Variants in TMEM276 observed in about 807,000 individuals in gnomAD.
TMEM276 encodes transmembrane protein 276.
chr8:144,466,543 C>G, the TMEM276 span: 2 of 1,140,474 alleles, frequency 1.8e-6, no homozygotes, highest in East Asian at 3.5e-5. Context: ...CCGTGCAGCC[C>G]GTCGTCTCCC....
At chr8:144,465,309 G>A in the TMEM276 span, 1 of 1,111,988 alleles carries the variant, frequency 9.0e-7, no homozygotes, top group Non-Finnish European at 1.1e-6. Context: ...GGTCCAGGAG[G>A]AGCGACGGCG....
At chr8:144,464,214 C>G in the TMEM276 span, 6,951 of 1,613,098 alleles carry the variant, frequency 4.3e-3, 175 homozygotes, top group African/African-American at 0.062. Flanking sequence ...CATCCTCCTT[C>G]GGTAGCAGCA....
the TMEM276 span, chr8:144,463,913 G>C: frequency 7.1e-7 from 1 of 1,407,734 alleles, no homozygotes; most frequent in Non-Finnish European, 9.2e-7. Context: ...ACCCCCAAAC[G>C]TGTCTGGGAC....
At chr8:144,464,142 G>A in the TMEM276 span, 1 of 1,610,280 alleles carries the variant, frequency 6.2e-7, no homozygotes, top group South Asian at 1.1e-5. Context: ...CCCACTGGAG[G>A]CGCTGTGTAT....
At chr8:144,466,433 A>T in the TMEM276 span, 1 of 1,348,036 alleles carries the variant, frequency 7.4e-7, no homozygotes, top group South Asian at 1.6e-5. Flanking sequence ...TACGCCTTTT[A>T]CTCGTTGCTC....
the TMEM276 span, chr8:144,465,248 G>A: frequency 8.8e-7 from 1 of 1,140,630 alleles, no homozygotes. Context: ...GGCCCACGCG[G>A]CGGCCTCGGC....
the TMEM276 span, among the ~76,000 whole-genome samples, chr8:144,465,860 G>A: frequency 8.4e-6 from 1 of 118,780 alleles, no homozygotes; most frequent in Non-Finnish European, 1.8e-5. Context: ...GATGCGATGG[G>A]GGGGTCTGGG....
At chr8:144,464,776 G>A in the TMEM276 span, 1 of 1,610,448 alleles carries the variant, frequency 6.2e-7, no homozygotes, top group South Asian at 1.1e-5. Flanking sequence ...GGAGGTATGG[G>A]GATGCGCCCC....
chr8:144,464,574 G>A, the TMEM276 span: 5 of 1,610,730 alleles, frequency 3.1e-6, no homozygotes, highest in South Asian at 5.5e-5. Context: ...TGGCAGCCAA[G>A]ACCTGGAGCA....
chr8:144,466,542 C>T, the TMEM276 span: 1 of 1,141,294 alleles, frequency 8.8e-7, no homozygotes, highest in East Asian at 3.5e-5. Flanking sequence ...GCCGTGCAGC[C>T]CGTCGTCTCC....
At chr8:144,463,921 G>C in the TMEM276 span, 1 of 1,431,286 alleles carries the variant, frequency 7.0e-7, no homozygotes, top group African/African-American at 1.4e-5. Flanking sequence ...ACGTGTCTGG[G>C]ACCCTGTCCC....
chr8:144,465,878 G>T, the TMEM276 span, among the ~76,000 whole-genome samples: 4 of 125,440 alleles, frequency 3.2e-5, no homozygotes, highest in African/African-American at 9.3e-5. Context: ...GGGCGTGGCT[G>T]CGAGGGGCGG....
the TMEM276 span, chr8:144,464,037 G>A: frequency 6.5e-7 from 1 of 1,538,866 alleles, no homozygotes; most frequent in Non-Finnish European, 8.7e-7. Flanking sequence ...AGGCAGAAGA[G>A]TCTACCCCTA....
At chr8:144,465,047 G>C in the TMEM276 span, 7 of 1,534,520 alleles carry the variant, frequency 4.6e-6, no homozygotes, top group African/African-American at 5.5e-5. Flanking sequence ...CTGGATGTTA[G>C]GAGAAGTTCA....
the TMEM276 span, chr8:144,463,902 G>A: frequency 7.1e-7 from 1 of 1,401,920 alleles, no homozygotes; most frequent in East Asian, 2.6e-5. Context: ...CCAGAATCAG[G>A]ACCCCCAAAC....
the TMEM276 span, chr8:144,466,993 A>C: frequency 1.3e-6 from 2 of 1,596,816 alleles, no homozygotes; most frequent in East Asian, 2.2e-5. Context: ...CGGAAGGCGC[A>C]GCCGAGGGCC....
At chr8:144,464,860 G>A in the TMEM276 span, 2 of 1,612,726 alleles carry the variant, frequency 1.2e-6, no homozygotes, top group African/African-American at 2.7e-5. Flanking sequence ...GCACCAGATG[G>A]GACAGGGCTG....
chr8:144,464,796 C>T, the TMEM276 span: 2 of 1,612,182 alleles, frequency 1.2e-6, no homozygotes, highest in South Asian at 1.1e-5. Context: ...CTGCTCAGCC[C>T]CAGTGTACTC....
the TMEM276 span, chr8:144,466,920 T>A: frequency 3.2e-6 from 5 of 1,573,262 alleles, no homozygotes; most frequent in Non-Finnish European, 4.3e-6. Context: ...CTCAAGCACG[T>A]GACCCGAAAT....
Sources: gnomAD v4.1 joint callset for allele counts (sites outside exome capture counted in the v4.1 genomes callset) on GRCh38, gnomAD v4.1.1 for gene constraint, MANE v1.5 for transcripts, NCBI Gene and HGNC (gene_info 2026-07-23, HGNC 2026-07-21) for gene names.